Variants in AGBL4 observed in about 807,000 individuals in gnomAD.
The protein encoded by AGBL4 is AGBL carboxypeptidase 4.
AGBL4 carries 58 observed loss-of-function variants against 66.4 expected under a neutral mutation model. The ratio of observed to expected loss-of-function variants is 0.87; its 90% CI spans 0.71 to 1.09. AGBL4 has a LOEUF of 1.09. Among genes scored for constraint, AGBL4 ranks in the 50% least tolerant of loss-of-function variants. The pLI is 0.00. For synonymous variants in AGBL4, 234 were observed against 222.9 expected, an observed-to-expected ratio of 1.05 and a Z score of -0.44; for missense variants, 579 against 631.0, an observed-to-expected ratio of 0.92 and a Z score of 0.88.
intron 1 of AGBL4, among the ~76,000 whole-genome samples, chr1:50,010,641 T>C (rs924043243): frequency 2.6e-5 from 4 of 152,092 alleles, no homozygotes; most frequent in African/African-American, 9.7e-5. Context: ...TGGGACAGAA[T>C]AGAGAACCCA....
chr1:49,085,042 T>C (rs1281270873), intron 4 of AGBL4, among the ~76,000 whole-genome samples: 1 of 152,130 alleles, frequency 6.6e-6, no homozygotes, highest in Non-Finnish European at 1.5e-5. Flanking sequence ...CTGGGTGTAT[T>C]TGTCAGGGTA....
At chr1:49,717,202 GAA>G (rs1275837417) in intron 2 of AGBL4, among the ~76,000 whole-genome samples, 1 of 151,852 alleles carries the variant, frequency 6.6e-6, no homozygotes, top group Non-Finnish European at 1.5e-5. Flanking sequence ...AAGGAAATAA[GAA>G]AGGACACATA....
intron 1 of AGBL4, among the ~76,000 whole-genome samples, chr1:49,948,255 AAT>A (rs1655626475): frequency 9.4e-6 from 1 of 106,640 alleles, no homozygotes; most frequent in South Asian, 2.6e-4. Context: ...AATACATATA[AAT>A]ATATAAATAA....
At chr1:49,054,483 C>T (rs1644274806) in intron 4 of AGBL4, among the ~76,000 whole-genome samples, 1 of 151,934 alleles carries the variant, frequency 6.6e-6, no homozygotes, top group Non-Finnish European at 1.5e-5. Flanking sequence ...GTTAAATCAG[C>T]AAACCTATTT....
intron 5 of AGBL4, among the ~76,000 whole-genome samples, chr1:49,013,421 CTG>C (rs1225098232): frequency 7.2e-5 from 11 of 152,190 alleles, no homozygotes; most frequent in Admixed American, 7.2e-4. Flanking sequence ...CTGGAGGACA[CTG>C]AGAGTCTTGG....
chr1:48,915,818 G>A (rs1376417383), intron 5 of AGBL4, among the ~76,000 whole-genome samples: 1 of 152,138 alleles, frequency 6.6e-6, no homozygotes, highest in Admixed American at 6.5e-5. Context: ...GTCTCCCAGG[G>A]AAGGAAGCCT....
At chr1:48,630,993 G>A (rs917935113) in intron 9 of AGBL4, among the ~76,000 whole-genome samples, 1 of 152,162 alleles carries the variant, frequency 6.6e-6, no homozygotes. Flanking sequence ...TAGAATAACT[G>A]TCTGTAAATG....
At chr1:48,905,484 T>A (rs1276384705) in intron 5 of AGBL4, among the ~76,000 whole-genome samples, 1 of 152,208 alleles carries the variant, frequency 6.6e-6, no homozygotes, top group Non-Finnish European at 1.5e-5. Flanking sequence ...ATTAAAAAGA[T>A]AATCCATGTT....
chr1:49,636,105 T>G (rs184468880), intron 3 of AGBL4, among the ~76,000 whole-genome samples: 1 of 152,116 alleles, frequency 6.6e-6, no homozygotes, highest in African/African-American at 2.4e-5. Flanking sequence ...TAATTACAGA[T>G]AGATTATAAA....
At chr1:49,672,921 CAAAAAA>C (rs60612868) in intron 3 of AGBL4, among the ~76,000 whole-genome samples, 1 of 47,056 alleles carries the variant, frequency 2.1e-5, no homozygotes, top group African/African-American at 6.2e-5. Context: ...AACTCCATCT[CAAAAAA>C]AAAAAAAAAA....
At position 49,038,782 on chromosome 1, in the gene AGBL4, A is replaced by G. The variant is rs563737307; in HGVS notation, c.594+6802T>C. 3.9e-5 allele frequency among the ~76,000 whole-genome samples: 6 copies of G among 152,234 alleles called. No homozygotes were observed. The South Asian group carries it at 1.2e-3, about 32-fold the overall frequency. On this transcript the variant is annotated intron_variant, in intron 5 of 13. Coordinates refer to ENST00000371839, the MANE Select transcript of AGBL4 (RefSeq NM_032785.4). ...TAAAATGGTACAGCCACTTTGGAAG[A>G]CAGTTTGGTGATTTCTTACAAAACT...
intron 2 of AGBL4, among the ~76,000 whole-genome samples, chr1:49,716,468 G>GT (rs901096693): frequency 5.3e-5 from 8 of 151,872 alleles, no homozygotes; most frequent in Non-Finnish European, 1.0e-4. Flanking sequence ...ATTTAAACTA[G>GT]TTTTTTTCTA....
chr1:48,622,847 G>A (rs1357626528), intron 9 of AGBL4, among the ~76,000 whole-genome samples: 2 of 152,244 alleles, frequency 1.3e-5, no homozygotes, highest in East Asian at 1.9e-4. Flanking sequence ...CTGGTACAAT[G>A]CCTTAAGTAA....
At chr1:48,939,913 G>C (rs1655809474) in intron 5 of AGBL4, among the ~76,000 whole-genome samples, 2 of 152,210 alleles carry the variant, frequency 1.3e-5, no homozygotes, top group South Asian at 4.1e-4. Context: ...ACAACTAGGA[G>C]GAGGGTGCCA....
intron 2 of AGBL4, among the ~76,000 whole-genome samples, chr1:49,824,450 T>G (rs1454314985): frequency 6.6e-6 from 1 of 152,194 alleles, no homozygotes; most frequent in Non-Finnish European, 1.5e-5. Flanking sequence ...ATGAATGAGA[T>G]ATGGCATTTG....
chr1:48,998,486 T>C (rs1349342571), intron 5 of AGBL4, among the ~76,000 whole-genome samples: 1 of 152,192 alleles, frequency 6.6e-6, no homozygotes, highest in Admixed American at 6.5e-5. Context: ...ACATTCTCAC[T>C]GCAATAAATA....
chr1:48,857,793 T>A (rs562636064), intron 6 of AGBL4, among the ~76,000 whole-genome samples: 1 of 151,794 alleles, frequency 6.6e-6, no homozygotes, highest in Non-Finnish European at 1.5e-5. Context: ...AGATATGATA[T>A]AAAAATCATA....
rs1406253206 is a variant in AGBL4, at chr1:48,835,940, C to T, written c.634+31251G>A. Among the ~76,000 whole-genome samples the T allele has an allele frequency of 2.0e-5, 3 of 151,884 alleles. No individual in the cohort carries two copies. In the East Asian group the frequency reaches 5.8e-4, roughly 29 times the overall value. ...ATATGAGATAAGGCTGGTGTGATTA[C>T]CCTGAAAATCTTGGAAAGTCACTGA... On this transcript the variant is annotated intron_variant, in intron 6 of 13. Transcript: ENST00000371839.
intron 6 of AGBL4, among the ~76,000 whole-genome samples, chr1:48,786,413 T>C (rs1419030671): frequency 3.3e-5 from 5 of 152,216 alleles, no homozygotes; most frequent in Non-Finnish European, 7.3e-5. Context: ...TAGGTTGTGA[T>C]GGCTGTTTTG....
Sources: allele counts gnomAD v4.1 joint callset (sites outside exome capture counted in the v4.1 genomes callset), GRCh38; gene constraint gnomAD v4.1.1; transcripts MANE v1.5; gene names NCBI Gene and HGNC (gene_info 2026-07-23, HGNC 2026-07-21).